CEACAM7: variants seen among roughly 807,000 people sequenced by gnomAD.
The protein encoded by CEACAM7 is CEA cell adhesion molecule 7, also known as cell adhesion molecule CEACAM7.
Under a neutral mutation model 25.7 loss-of-function variants are expected in CEACAM7, and 24 were observed. The ratio of observed to expected loss-of-function variants is 0.93; its 90% CI spans 0.68 to 1.31. CEACAM7 has a LOEUF of 1.31. Among genes scored for constraint, CEACAM7 ranks in the 40% most tolerant of loss-of-function variants. The pLI, the probability that CEACAM7 is intolerant of heterozygous loss-of-function variation, is 0.00. For synonymous variants in CEACAM7, 144 were observed against 129.4 expected, an observed-to-expected ratio of 1.11 and a Z score of -0.77; for missense variants, 324 against 330.1, an observed-to-expected ratio of 0.98 and a Z score of 0.14.
intron 3 of CEACAM7, among the ~76,000 whole-genome samples, chr19:41,681,053 G>A (rs781931355): frequency 3.9e-5 from 6 of 152,070 alleles, no homozygotes; most frequent in Non-Finnish European, 5.9e-5. Flanking sequence ...AATATATAAA[G>A]AACTAATATA....
chr19:41,679,006 C>T (rs1247787786), intron 3 of CEACAM7, among the ~76,000 whole-genome samples: 1 of 151,740 alleles, frequency 6.6e-6, no homozygotes, highest in South Asian at 2.1e-4. Flanking sequence ...CCAAAGTTAG[C>T]CAATGAAGGA....
At chr19:41,678,197 T>A (rs1555810332) in intron 3 of CEACAM7, among the ~76,000 whole-genome samples, 33 of 152,082 alleles carry the variant, frequency 2.2e-4, no homozygotes. Context: ...TCTCTCTGAA[T>A]GAAAACTAAC....
chr19:41,687,287 T>C, intron 1 of CEACAM7, 66 bp from the exon 2 acceptor site: 1 of 1,507,764 alleles, frequency 6.6e-7, no homozygotes, highest in South Asian at 1.3e-5. Flanking sequence ...GATGGGGCCC[T>C]GGATCCTGAG....
chr19:41,679,076 T>C (rs2072146285), intron 3 of CEACAM7, among the ~76,000 whole-genome samples: 1 of 152,030 alleles, frequency 6.6e-6, no homozygotes, highest in East Asian at 1.9e-4. Context: ...AACCAAAAGG[T>C]GGTTCTTCAA....
chr19:41,687,969 C>T, intron 1 of CEACAM7, 133 bp downstream of exon 1: 1 of 586,188 alleles, frequency 1.7e-6, no homozygotes, highest in South Asian at 3.1e-5. Context: ...TTTCCTGTCC[C>T]TGTCTGGTGT....
chr19:41,675,160 T>C (rs1173477488), intron 4 of CEACAM7, among the ~76,000 whole-genome samples: 1 of 152,210 alleles, frequency 6.6e-6, no homozygotes, highest in Non-Finnish European at 1.5e-5. Context: ...TAACCAGTAT[T>C]TTTAAATGTA....
chr19:41,688,049 A>G, intron 1 of CEACAM7, 53 bp downstream of exon 1: 1 of 1,538,130 alleles, frequency 6.5e-7, no homozygotes, highest in Non-Finnish European at 8.9e-7. Flanking sequence ...AGGAGACCCC[A>G]GCCAGTCTCT....
At chr19:41,686,611 C>T (rs1472541571) in intron 2 of CEACAM7, among the ~76,000 whole-genome samples, 2 of 152,146 alleles carry the variant, frequency 1.3e-5, no homozygotes, top group African/African-American at 2.4e-5. Flanking sequence ...AGACTGATCT[C>T]CCCCTGCTGA....
rs1372051601 is a variant in CEACAM7, at chr19:41,687,313, AC to A, written c.65-93del. The A allele has an allele frequency of 5.3e-6, 7 of 1,322,666 alleles. No homozygotes were observed. In the African/African-American group the frequency reaches 7.8e-5, roughly 15 times the overall value. 81.9% of individuals were successfully genotyped at this position (1,322,666 alleles called of 1,614,324 possible). A position where few individuals can be genotyped will look rare whatever the true frequency, so the allele number is the denominator to read the frequency against. On this transcript the variant is annotated intron_variant, in intron 1 of 4. Transcript: ENST00000401731. Reference sequence around the variant, plus strand: ...GGATCCTGAGCAGGTCTCTTCACCCACCCCCATCTTGAAGTAAGTGTGTGTG... The same window carrying A: ...GGATCCTGAGCAGGTCTCTTCACCCACCCCATCTTGAAGTAAGTGTGTGTG...
Position 41,688,214 on chromosome 19 carries a change from G to A in CEACAM7, c.-49C>T. On this transcript the variant is annotated 5_prime_UTR_variant, in exon 1 of 5. Coordinates refer to ENST00000401731, the MANE Select transcript of CEACAM7 (RefSeq NM_001291485.2). ...CTGTGGAGAAGAGCTTGGGCTCCAGGAACTCTCTTGTCAGGGCTGCTGTGA... is the reference window on the plus strand; with the variant it reads ...CTGTGGAGAAGAGCTTGGGCTCCAGAAACTCTCTTGTCAGGGCTGCTGTGA... 1 of 1,593,144 alleles carries A rather than the reference G, an allele frequency of 6.3e-7. No homozygotes were observed.
In CEACAM7 at chr19:41,687,233, A is replaced by G. The variant is rs1600438120; in HGVS notation, c.65-12T>C. On this transcript the variant is annotated splice_polypyrimidine_tract_variant and intron_variant, in intron 1 of 4. Coordinates refer to ENST00000401731, the MANE Select transcript of CEACAM7 (RefSeq NM_001291485.2). ...GGTTAAAAGCGAGGCTAGGAGGGGG[A>G]GAGAACATCAGTCAATATTGGGACC... 6.3e-7 allele frequency: 1 copy of G among 1,577,590 alleles called. No homozygotes were observed. Among genetic ancestry groups the G allele is most frequent in the Non-Finnish European group, 8.6e-7 (1 of 1,161,884 alleles).
chr19:41,682,371 C>T (rs1412938522), intron 3 of CEACAM7, among the ~76,000 whole-genome samples: 1 of 152,194 alleles, frequency 6.6e-6, no homozygotes, highest in Admixed American at 6.5e-5. Flanking sequence ...CCTTCCCTCC[C>T]TTGCAGAGTC....
At chr19:41,679,294 A>G (rs2072148505) in intron 3 of CEACAM7, among the ~76,000 whole-genome samples, 1 of 152,328 alleles carries the variant, frequency 6.6e-6, no homozygotes, top group East Asian at 1.9e-4. Context: ...TCCAAATGGA[A>G]CCATGAAGAA....
chr19:41,687,309 A>G (rs2072238505), intron 1 of CEACAM7, 88 bp from the exon 2 acceptor site: 1 of 1,346,986 alleles, frequency 7.4e-7, no homozygotes, highest in Admixed American at 2.3e-5. Flanking sequence ...AGGTCTCTTC[A>G]CCCACCCCCA....
intron 2 of CEACAM7, among the ~76,000 whole-genome samples, chr19:41,686,055 T>G (rs987658997): frequency 6.6e-6 from 1 of 152,212 alleles, no homozygotes; most frequent in Admixed American, 6.5e-5. Context: ...ATTACCTGGA[T>G]GAGAGCCCTG....
At position 41,673,895 on chromosome 19, in the gene CEACAM7, G is replaced by A. The variant is rs979951036; in HGVS notation, c.*881C>T. 6.6e-6 allele frequency: 1 copy of A among 152,170 alleles called. No individual in the cohort carries two copies. 9.4% of individuals were successfully genotyped at this position (152,170 alleles called of 1,614,324 possible). ...ACAGCACACCAGGGTAACTAATATT[G>A]TGACAATCAGGAGGATCACACCAAG... On this transcript the variant is annotated 3_prime_UTR_variant, in exon 5 of 5. Coordinates refer to ENST00000401731, the MANE Select transcript of CEACAM7 (RefSeq NM_001291485.2).
chr19:41,686,680 G>C (rs1555811209), intron 2 of CEACAM7, among the ~76,000 whole-genome samples, 179 bp downstream of exon 2: 1 of 152,148 alleles, frequency 6.6e-6, no homozygotes, highest in Non-Finnish European at 1.5e-5. Flanking sequence ...CTGGATGCAG[G>C]AAAGGGATTC....
intron 3 of CEACAM7, among the ~76,000 whole-genome samples, chr19:41,683,122 A>G (rs895223498): frequency 4.6e-5 from 7 of 152,246 alleles, no homozygotes; most frequent in African/African-American, 1.4e-4. Context: ...TATGATGCCA[A>G]CGGTCCAGGG....
At chr19:41,684,899 C>A (rs566571859) in intron 2 of CEACAM7, among the ~76,000 whole-genome samples, 1 of 152,216 alleles carries the variant, frequency 6.6e-6, no homozygotes, top group Admixed American at 6.5e-5. Context: ...TCTCGACCTA[C>A]GGAAACACAA....
Sources: allele counts gnomAD v4.1 joint callset (sites outside exome capture counted in the v4.1 genomes callset), GRCh38; gene constraint gnomAD v4.1.1; transcripts MANE v1.5; gene names NCBI Gene and HGNC (gene_info 2026-07-23, HGNC 2026-07-21).